Variants in QKI observed in about 807,000 individuals in gnomAD.
QKI encodes the protein KH domain-containing RNA-binding protein QKI.
Under a neutral mutation model 39.0 loss-of-function variants are expected in QKI, and 10 were observed. The observed-to-expected ratio is 0.26, with a 90% CI of 0.16 to 0.43. The LOEUF (loss-of-function observed/expected upper bound fraction) is 0.43. QKI is among the 20% of genes least tolerant of loss of function. The pLI is 1.00. For missense variants in QKI, 218 were observed against 428.0 expected (o/e 0.51, Z 4.33); for synonymous variants, 204 against 155.4 (o/e 1.31, Z -2.33).
chr6:163,513,976 A>G lies in QKI; in HGVS notation c.403-21006A>G, dbSNP rs1484131093. On this transcript the variant is annotated intron_variant, in intron 3 of 7. Coordinates refer to ENST00000361752, the MANE Select transcript of QKI (RefSeq NM_006775.3). The stretch of plus-strand genomic sequence containing the variant: ...GATTTCAGAAGAGGAGCCCAGGGCC[A>G]AGGTCCCCACAATTCTTGAGCAAGA... Among the ~76,000 whole-genome samples, 4 of 152,266 alleles carry G rather than the reference A, an allele frequency of 2.6e-5. No individual in the cohort carries two copies. The East Asian group carries it at 7.7e-4, about 29-fold the overall frequency.
intron 3 of QKI, among the ~76,000 whole-genome samples, chr6:163,520,842 A>G (rs1396668321): frequency 6.6e-6 from 1 of 152,196 alleles, no homozygotes; most frequent in Non-Finnish European, 1.5e-5. Context: ...TCAAATTATG[A>G]TGAAGGGTTA....
chr6:163,453,998 T>C lies in QKI; in HGVS notation c.143-1281T>C, dbSNP rs1230831154. The stretch of plus-strand genomic sequence containing the variant: ...AATTAAAGAGTGCCTTCATATTTGA[T>C]AGTTCCTAAGGAACTATCAATAAAT... On this transcript the variant is annotated intron_variant, in intron 1 of 7. Coordinates refer to ENST00000361752, the MANE Select transcript of QKI (RefSeq NM_006775.3). 3.3e-5 allele frequency among the ~76,000 whole-genome samples: 5 copies of C among 152,174 alleles called. No homozygotes were observed. In the East Asian group the frequency reaches 9.6e-4, roughly 29 times the overall value.
intron 6 of QKI, chr6:163,564,788 C>A (rs898716586): frequency 2.5e-6 from 4 of 1,605,708 alleles, no homozygotes; most frequent in African/African-American, 2.7e-5. Context: ...TTCTGTGCAA[C>A]CCCTTTGTTT....
chr6:163,434,226 C>G (rs1287801414), intron 1 of QKI, among the ~76,000 whole-genome samples: 2 of 152,030 alleles, frequency 1.3e-5, no homozygotes, highest in East Asian at 3.9e-4. Context: ...GCATGCCCAG[C>G]CTGAGATGGA....
At chr6:163,484,801 T>C (rs551895321) in intron 3 of QKI, among the ~76,000 whole-genome samples, 166 of 152,300 alleles carry the variant, frequency 1.1e-3, no homozygotes, top group African/African-American at 3.9e-3. Context: ...CAGGTCACTA[T>C]GGCAGACATA....
chr6:163,505,140 A>G (rs1339997954), intron 3 of QKI, among the ~76,000 whole-genome samples: 1 of 152,166 alleles, frequency 6.6e-6, no homozygotes, highest in Non-Finnish European at 1.5e-5. Context: ...CACAGAACAC[A>G]AGAGTTGAGC....
chr6:163,429,636 C>G (rs1454152582), intron 1 of QKI, among the ~76,000 whole-genome samples: 1 of 152,094 alleles, frequency 6.6e-6, no homozygotes, highest in Non-Finnish European at 1.5e-5. Flanking sequence ...GAATACCAAA[C>G]TCTTATTTTT....
At position 163,574,103 on chromosome 6, in the gene QKI, A is replaced by G. The variant is rs1436548513; in HGVS notation, c.*3393A>G. ...CTTCTCTTGCCACTTGCCTTTCAGC[A>G]TCTGCATTACTAATTCCACACCTTA... On this transcript the variant is annotated 3_prime_UTR_variant, in exon 8 of 8. Transcript: ENST00000361752. 1.3e-5 allele frequency: 2 copies of G among 152,210 alleles called. No homozygotes were observed. The highest frequency in any genetic ancestry group is 4.8e-5 in the African/African-American group (2 of 41,450). 9.4% of individuals were successfully genotyped at this position (152,210 alleles called of 1,614,324 possible). A position where few individuals can be genotyped will look rare whatever the true frequency, so the allele number is the denominator to read the frequency against.
intron 4 of QKI, among the ~76,000 whole-genome samples, chr6:163,539,230 G>A (rs1231322117): frequency 6.6e-6 from 1 of 152,166 alleles, no homozygotes; most frequent in Non-Finnish European, 1.5e-5. Context: ...TGGAAGTCAT[G>A]CTTAGACCTT....
intron 1 of QKI, among the ~76,000 whole-genome samples, chr6:163,435,150 A>G (rs1353827577): frequency 2.6e-5 from 4 of 152,230 alleles, no homozygotes; most frequent in African/African-American, 4.8e-5. Context: ...CAAAAAACAT[A>G]AAGCATGACA....
At chr6:163,457,368 C>G in intron 2 of QKI, 1 of 455,984 alleles carries the variant, frequency 2.2e-6, no homozygotes, top group Middle Eastern at 3.3e-4. Context: ...TATTCCTTTC[C>G]TTCCTCCTCC....
chr6:163,564,774 C>T, intron 6 of QKI: 1 of 1,612,012 alleles, frequency 6.2e-7, no homozygotes, highest in South Asian at 1.1e-5. Context: ...GTGGAACAAA[C>T]TGTTTCTGTG....
chr6:163,466,576 A>G (rs902476781), intron 2 of QKI, among the ~76,000 whole-genome samples: 13 of 152,270 alleles, frequency 8.5e-5, no homozygotes, highest in Non-Finnish European at 1.2e-4. Flanking sequence ...ACCTATGAAT[A>G]TAGAGTCAAC....
At chr6:163,427,724 T>C (rs1343458463) in intron 1 of QKI, among the ~76,000 whole-genome samples, 3 of 152,132 alleles carry the variant, frequency 2.0e-5, no homozygotes, top group African/African-American at 7.2e-5. Context: ...TCCAGAAAGA[T>C]AACTTACAAG....
chr6:163,537,932 C>T (rs77468744), intron 4 of QKI, among the ~76,000 whole-genome samples: 62 of 152,322 alleles, frequency 4.1e-4, no homozygotes, highest in African/African-American at 1.4e-3. Context: ...TACAAAACTC[C>T]TTAGCATGGC....
chr6:163,549,492 C>A (rs1280955163), intron 4 of QKI, among the ~76,000 whole-genome samples: 1 of 152,150 alleles, frequency 6.6e-6, no homozygotes, highest in Non-Finnish European at 1.5e-5. Context: ...GGGCGGATCT[C>A]TTGAGGCCAG....
intron 3 of QKI, among the ~76,000 whole-genome samples, chr6:163,498,727 C>G (rs1185415619): frequency 2.0e-5 from 3 of 152,018 alleles, no homozygotes; most frequent in African/African-American, 7.2e-5. Flanking sequence ...AAAACTGATT[C>G]TAGATATTTG....
chr6:163,507,479 G>C (rs1779169335), intron 3 of QKI, among the ~76,000 whole-genome samples: 1 of 152,178 alleles, frequency 6.6e-6, no homozygotes, highest in Non-Finnish European at 1.5e-5. Flanking sequence ...AGTTTTCCTG[G>C]CTTTTAGCCT....
intron 3 of QKI, among the ~76,000 whole-genome samples, chr6:163,489,424 C>CTGTGTGTG (rs66826538): frequency 1.0e-3 from 154 of 149,036 alleles, no homozygotes; most frequent in African/African-American, 3.5e-3. Flanking sequence ...AGAAGTTATG[C>CTGTGTGTG]TGTGTGTGTG....
Sources: gnomAD v4.1 joint callset for allele counts (sites outside exome capture counted in the v4.1 genomes callset) on GRCh38, gnomAD v4.1.1 for gene constraint, MANE v1.5 for transcripts, NCBI Gene and HGNC (gene_info 2026-07-23, HGNC 2026-07-21) for gene names.